Variants in PRKCE observed in about 807,000 individuals in gnomAD.
The protein encoded by PRKCE is protein kinase C epsilon, also known as protein kinase C epsilon type.
Under a neutral mutation model 85.4 loss-of-function variants are expected in PRKCE, and 16 were observed. That is an observed-to-expected ratio of 0.19 (90% CI 0.13 to 0.28). The LOEUF (loss-of-function observed/expected upper bound fraction) is 0.28, where lower values mean the gene tolerates loss of function less well. PRKCE is among the 10% of genes least tolerant of loss of function. PRKCE has a pLI of 1.00. For missense variants in PRKCE, 573 were observed against 975.2 expected, an observed-to-expected ratio of 0.59 and a Z score of 5.49; for synonymous variants, 388 against 371.5, an observed-to-expected ratio of 1.04 and a Z score of -0.51.
At chr2:45,677,757 T>G in intron 1 of PRKCE, 1 of 591,002 alleles carries the variant, frequency 1.7e-6, no homozygotes, top group Non-Finnish European at 2.1e-6. Flanking sequence ...TGGCTTGTGG[T>G]CGGGTGTTAT....
chr2:46,175,439 A>G (rs1045915107), intron 14 of PRKCE, among the ~76,000 whole-genome samples: 2 of 152,244 alleles, frequency 1.3e-5, no homozygotes, highest in Non-Finnish European at 1.5e-5. Context: ...AACAATGCCA[A>G]TAATTTACTC....
intron 1 of PRKCE, among the ~76,000 whole-genome samples, chr2:45,744,419 TTCTTTCTTTCTTTC>T (rs1682871257): frequency 6.9e-5 from 1 of 14,518 alleles, no homozygotes; most frequent in African/African-American, 1.9e-4. Context: ...TTTCTTTTCT[TTCTTTCTTTCTTTC>T]TTTCTTTCTT....
At chr2:45,994,923 G>T (rs2104679508) in intron 6 of PRKCE, among the ~76,000 whole-genome samples, 1 of 152,286 alleles carries the variant, frequency 6.6e-6, no homozygotes, top group South Asian at 2.1e-4. Flanking sequence ...AAAAGTTCCT[G>T]TTGCTTCATA....
At chr2:45,885,780 C>T (rs941502460) in intron 2 of PRKCE, among the ~76,000 whole-genome samples, 1 of 152,200 alleles carries the variant, frequency 6.6e-6, no homozygotes, top group African/African-American at 2.4e-5. Context: ...CAGTTAAAAA[C>T]AAATCCACAA....
intron 14 of PRKCE, chr2:46,166,719 T>G (rs1273886864): frequency 6.6e-6 from 1 of 152,242 alleles, no homozygotes; most frequent in African/African-American, 2.4e-5. Flanking sequence ...AGCTGGGTAC[T>G]GTGGTTCATA....
intron 11 of PRKCE, among the ~76,000 whole-genome samples, chr2:46,105,387 C>T (rs541125324): frequency 6.6e-6 from 1 of 151,760 alleles, no homozygotes; most frequent in South Asian, 2.1e-4. Context: ...ACAAAAAGTG[C>T]AAGGTTTTCA....
At position 46,007,602 on chromosome 2, in the gene PRKCE, C is replaced by T. The variant is rs772347149; in HGVS notation, c.1204C>T (p.Arg402Cys). 28 of 1,599,666 alleles carry T rather than the reference C, an allele frequency of 1.8e-5. No homozygotes were observed. Among genetic ancestry groups the T allele is most frequent in the South Asian group, 7.7e-5 (7 of 91,086 alleles). ...NGEVRQGQAK[R>C]LGLDEFNFIK... ...CGAAGTCCGGCAAGGCCAGGCCAAG[C>T]GCCTGGGCCTGGATGAGTTCAACTT... The change falls in exon 9 of 15, where the codon CGC becomes TGC. Residue 402 changes from arginine to cysteine, a missense_variant. Around this residue, in one of 11 missense-constraint regions of PRKCE, gnomAD observed 117 missense variants for 104.8 expected, o/e 1.12. Coordinates refer to ENST00000306156, the MANE Select transcript of PRKCE (RefSeq NM_005400.3).
At chr2:46,087,302 A>G (rs1669742229) in intron 11 of PRKCE, among the ~76,000 whole-genome samples, 2 of 152,132 alleles carry the variant, frequency 1.3e-5, no homozygotes. Context: ...TTTTGTTGCC[A>G]ACTGGAAGTG....
chr2:45,746,438 G>A (rs1241137193), intron 1 of PRKCE, among the ~76,000 whole-genome samples: 2 of 152,160 alleles, frequency 1.3e-5, no homozygotes, highest in African/African-American at 4.8e-5. Flanking sequence ...TATATTTACA[G>A]AATGAATGAA....
At chr2:45,876,382 C>G (rs566719694) in intron 2 of PRKCE, among the ~76,000 whole-genome samples, 15 of 152,204 alleles carry the variant, frequency 9.9e-5, no homozygotes, top group Non-Finnish European at 1.8e-4. Context: ...CCAGCCACAT[C>G]ACTTCCCAAT....
intron 2 of PRKCE, among the ~76,000 whole-genome samples, chr2:45,921,947 T>G (rs1426684935): frequency 6.6e-6 from 1 of 152,178 alleles, no homozygotes; most frequent in African/African-American, 2.4e-5. Flanking sequence ...ATATTATCAA[T>G]ATATATCACA....
At chr2:45,860,326 A>G (rs1693043905) in intron 2 of PRKCE, among the ~76,000 whole-genome samples, 2 of 152,198 alleles carry the variant, frequency 1.3e-5, no homozygotes, top group Non-Finnish European at 1.5e-5. Flanking sequence ...AAACTTACAT[A>G]GTGTACTGAT....
chr2:45,914,913 C>G (rs962941493), intron 2 of PRKCE, among the ~76,000 whole-genome samples: 4 of 152,310 alleles, frequency 2.6e-5, no homozygotes, highest in Middle Eastern at 3.4e-3. Flanking sequence ...AAAAAAGTAT[C>G]CTTTTGCTAG....
chr2:45,652,679 C>A lies in PRKCE; in HGVS notation c.348+231C>A, dbSNP rs929739628. ...ATGTGGCCCTCTGCTCCCTCTGTGC[C>A]CTCCAGTTGGTGGGTGCTGCGGGAG... is the stretch of plus-strand genomic sequence containing the variant. On this transcript the variant is annotated intron_variant, in intron 1 of 14. Coordinates refer to ENST00000306156, the MANE Select transcript of PRKCE (RefSeq NM_005400.3). The surrounding 1 kb of genome is among the most constrained non-coding windows in gnomAD (Gnocchi z 7.7). Among the ~76,000 whole-genome samples the A allele has an allele frequency of 3.3e-5, 5 of 152,196 alleles. No homozygotes were observed. Among genetic ancestry groups the A allele is most frequent in the African/African-American group, 1.2e-4 (5 of 41,444 alleles).
chr2:45,996,807 C>A (rs1390353720), intron 6 of PRKCE, among the ~76,000 whole-genome samples: 1 of 151,970 alleles, frequency 6.6e-6, no homozygotes, highest in African/African-American at 2.4e-5. Context: ...TTTATAATAT[C>A]TTTGCTTTGA....
intron 10 of PRKCE, among the ~76,000 whole-genome samples, chr2:46,015,088 G>A (rs1056904820): frequency 6.6e-6 from 1 of 152,166 alleles, no homozygotes; most frequent in East Asian, 1.9e-4. Context: ...CTCCTTATTG[G>A]ACTGCTAGGC....
intron 1 of PRKCE, among the ~76,000 whole-genome samples, chr2:45,759,691 C>G (rs1010420644): frequency 1.3e-5 from 2 of 152,172 alleles, no homozygotes; most frequent in African/African-American, 4.8e-5. Flanking sequence ...AGGAGTAAGA[C>G]AGAAATAGCT....
rs556597311 is a variant in PRKCE, at chr2:46,022,937, G to A, written c.1437+12420G>A. ...TCTCTACTAAAAATACAAAAAATTA[G>A]CCGGGCGCGGTGGCGGGCGCCTGTA... is the stretch of plus-strand genomic sequence containing the variant. On this transcript the variant is annotated intron_variant, in intron 10 of 14. Coordinates refer to ENST00000306156, the MANE Select transcript of PRKCE (RefSeq NM_005400.3). Among the ~76,000 whole-genome samples the A allele has an allele frequency of 2.0e-5, 3 of 151,802 alleles. No homozygotes were observed. In the East Asian group the frequency reaches 5.8e-4, roughly 29 times the overall value.
intron 1 of PRKCE, among the ~76,000 whole-genome samples, chr2:45,737,285 C>G (rs1013049758): frequency 6.6e-6 from 1 of 152,212 alleles, no homozygotes; most frequent in Non-Finnish European, 1.5e-5. Flanking sequence ...ACAGATTCCT[C>G]TCATCTTCTG....
Sources: allele counts gnomAD v4.1 joint callset (sites outside exome capture counted in the v4.1 genomes callset), GRCh38; gene constraint gnomAD v4.1.1; regional missense constraint gnomAD v4.1.1; non-coding constraint Gnocchi (gnomAD v3.1); transcripts MANE v1.5; gene names NCBI Gene and HGNC (gene_info 2026-07-23, HGNC 2026-07-21).